Variants in ZNF234 observed in about 807,000 individuals in gnomAD.
ZNF234 encodes the protein zinc finger protein 234.
Under a neutral mutation model 10.3 loss-of-function variants are expected in ZNF234, and 4 were observed. The ratio of observed to expected loss-of-function variants is 0.39; its 90% CI spans 0.19 to 0.89. ZNF234 has a LOEUF of 0.89. Among genes scored for constraint, ZNF234 ranks in the 40% least tolerant of loss-of-function variants. ZNF234 has a pLI of 0.38. For synonymous variants in ZNF234, 258 were observed against 280.1 expected, an observed-to-expected ratio of 0.92 and a Z score of 0.79; for missense variants, 711 against 836.1, an observed-to-expected ratio of 0.85 and a Z score of 1.85.
chr19:44,143,203 A>T (rs944909478), intron 2 of ZNF234, among the ~76,000 whole-genome samples: 49 of 152,298 alleles, frequency 3.2e-4, no homozygotes, highest in Admixed American at 2.9e-3. Flanking sequence ...GTCCTGAGTT[A>T]TGGAACTGAG....
Position 44,159,698 on chromosome 19 carries a change from G to A in ZNF234, c.*1579G>A, listed in dbSNP as rs1395406414. On this transcript the variant is annotated 3_prime_UTR_variant, in exon 6 of 6. Transcript: ENST00000426739. ...TTCTGACTTTCCACATTTCCATCCA[G>A]ACTTTGACATGATTGCCGTCTAATA... The A allele has an allele frequency of 9.4e-6, 4 of 424,916 alleles. No individual in the cohort carries two copies. The highest frequency in any genetic ancestry group is 2.0e-5 in the Non-Finnish European group (4 of 201,032). The allele number at this position is 424,916 out of a possible 1,614,324, so 26.3% of individuals were successfully genotyped here. A position where few individuals can be genotyped will look rare whatever the true frequency, so the allele number is the denominator to read the frequency against.
chr19:44,144,613 TC>T lies in ZNF234; in HGVS notation c.-17del. The stretch of plus-strand genomic sequence containing the variant: ...TGGCATAACTCAGGACTCTGCAAAT[TC>T]CCAGAAACAGGAGGAAAAATGACCA... On this transcript the variant is annotated 5_prime_UTR_variant, in exon 3 of 6. Transcript: ENST00000426739. 6.4e-7 allele frequency: 1 copy of T among 1,569,956 alleles called. No homozygotes were observed. Among genetic ancestry groups the T allele is most frequent in the South Asian group, 1.2e-5 (1 of 83,150 alleles).
chr19:44,150,895 G>A (rs142152006), intron 5 of ZNF234, among the ~76,000 whole-genome samples: 1,912 of 151,988 alleles, frequency 0.013, 33 homozygotes, highest in African/African-American at 0.044. Flanking sequence ...TTAGCCAGGC[G>A]TGGTGGCCAG....
Position 44,157,769 on chromosome 19 carries a change from A to T in ZNF234, c.1753A>T (p.Met585Leu). Residue 585 changes from methionine to leucine, a missense_variant, in exon 6 of 6, where the codon ATG (methionine) becomes TTG (leucine). Transcript: ENST00000426739. The stretch of plus-strand genomic sequence containing the variant: ...CTTCAAGTGGAGCTTGAACCTTGAC[A>T]TGCATCAGAGGGTGCACACAGGAGA... ...KGFKWSLNLDMHQRVHTGEKP... is the reference protein window; with the variant it reads ...KGFKWSLNLDLHQRVHTGEKP... 1 of 1,613,906 alleles carries T rather than the reference A, an allele frequency of 6.2e-7. No individual in the cohort carries two copies. The highest frequency in any genetic ancestry group is 8.5e-7 in the Non-Finnish European group (1 of 1,179,882).
intron 2 of ZNF234, among the ~76,000 whole-genome samples, chr19:44,143,436 C>T (rs1968515337): frequency 6.6e-6 from 1 of 152,008 alleles, no homozygotes; most frequent in African/African-American, 2.4e-5. Flanking sequence ...GGTGAAACCC[C>T]GTCTCTACTA....
intron 5 of ZNF234, among the ~76,000 whole-genome samples, chr19:44,151,543 G>A (rs1170882869): frequency 1.3e-5 from 2 of 152,172 alleles, no homozygotes; most frequent in East Asian, 1.9e-4. Context: ...ACCCCAAACT[G>A]AGTGGATTAA....
rs539616814 is a variant in ZNF234 at position 44,148,456 on chromosome 19, A to G, written c.16-315A>G. On this transcript the variant is annotated intron_variant, in intron 3 of 5. Coordinates refer to ENST00000426739, the MANE Select transcript of ZNF234 (RefSeq NM_006630.3). ...TGACTTGCTAAATGTTTCTGGGGCAATTGGTAATATTTACCGAAAGGTGAA... is the reference window on the plus strand; with the variant it reads ...TGACTTGCTAAATGTTTCTGGGGCAGTTGGTAATATTTACCGAAAGGTGAA... Among the ~76,000 whole-genome samples, 3 of 152,324 alleles carry G rather than the reference A, an allele frequency of 2.0e-5. No individual in the cohort carries two copies. In the South Asian group the frequency reaches 6.2e-4, roughly 32 times the overall value.
At chr19:44,143,855 A>G (rs937219479) in intron 2 of ZNF234, among the ~76,000 whole-genome samples, 1 of 152,192 alleles carries the variant, frequency 6.6e-6, no homozygotes, top group Non-Finnish European at 1.5e-5. Flanking sequence ...ATGAGTAGAT[A>G]TACTTGTTAG....
At position 44,156,578 on chromosome 19, in the gene ZNF234, A is replaced by C. The variant is rs760074195; in HGVS notation, c.562A>C (p.Ile188Leu). The C allele has an allele frequency of 6.2e-7, 1 of 1,614,172 alleles. No individual in the cohort carries two copies. The highest frequency in any genetic ancestry group is 1.7e-5 in the Admixed American group (1 of 60,014). Residue 188 changes from isoleucine to leucine, a missense_variant, in exon 6 of 6, where the codon ATC (isoleucine) becomes CTC (leucine). Physicochemically the swap from Ile to Leu is conservative, Grantham distance 5. Coordinates refer to ENST00000426739, the MANE Select transcript of ZNF234 (RefSeq NM_006630.3). Reference protein sequence around the residue: ...CDECGKSFCYISALHIHQRVH... With the variant: ...CDECGKSFCYLSALHIHQRVH... ...TGAGTGTGGAAAAAGCTTCTGTTAC[A>C]TCTCAGCCCTTCATATTCATCAAAG...
At position 44,159,419 on chromosome 19, in the gene ZNF234, C is replaced by T. The variant is rs1375612230; in HGVS notation, c.*1300C>T. ...CTTGAACACCTGAGCTCAAGCAATC[C>T]AACCTCCTTGGCCTCCCAGTGTTAA... On this transcript the variant is annotated 3_prime_UTR_variant, in exon 6 of 6. Coordinates refer to ENST00000426739, the MANE Select transcript of ZNF234 (RefSeq NM_006630.3). The T allele has an allele frequency of 3.9e-6, 1 of 253,566 alleles. No homozygotes were observed. Among genetic ancestry groups the T allele is most frequent in the Non-Finnish European group, 8.4e-6 (1 of 119,618 alleles). The allele number at this position is 253,566 out of a possible 1,614,324, so 15.7% of individuals were successfully genotyped here. A position where few individuals can be genotyped will look rare whatever the true frequency, so the allele number is the denominator to read the frequency against.
rs774651078 is a variant in ZNF234, at chr19:44,158,134, A to AAC, written c.*15_*16insAC. The AAC allele has an allele frequency of 1.1e-5, 17 of 1,581,594 alleles. No homozygotes were observed. The highest frequency in any genetic ancestry group is 1.7e-4 in the Middle Eastern group (1 of 5,876). On this transcript the variant is annotated 3_prime_UTR_variant, in exon 6 of 6. Transcript: ENST00000426739. ...CTACAAGGTGATTAAAAAAAAAAAAACAGAACTCATGTACAACCTGAATGC... is the reference window on the plus strand; with the variant it reads ...CTACAAGGTGATTAAAAAAAAAAAAAACCAGAACTCATGTACAACCTGAATGC...
chr19:44,154,660 T>C (rs1968836593), intron 5 of ZNF234, among the ~76,000 whole-genome samples: 1 of 132,592 alleles, frequency 7.5e-6, no homozygotes, highest in Non-Finnish European at 1.5e-5. Flanking sequence ...TGAGACAAAG[T>C]CTCACTGTGT....
rs577211878 is a variant in ZNF234, at chr19:44,147,858, A to G, written c.16-913A>G. Among the ~76,000 whole-genome samples the G allele has an allele frequency of 3.9e-5, 6 of 152,316 alleles. No homozygotes were observed. The South Asian group carries it at 1.2e-3, about 32-fold the overall frequency. On this transcript the variant is annotated intron_variant, in intron 3 of 5. Coordinates refer to ENST00000426739, the MANE Select transcript of ZNF234 (RefSeq NM_006630.3). Reference sequence around the variant, plus strand: ...CAAGAGTGAAGCTCTGTCTCAAAAAAAAGAAAAAAAAAAGGAAAGAAAGTA... The same window carrying G: ...CAAGAGTGAAGCTCTGTCTCAAAAAGAAGAAAAAAAAAAGGAAAGAAAGTA...
intron 5 of ZNF234, among the ~76,000 whole-genome samples, chr19:44,154,931 C>A (rs1449406600): frequency 6.6e-6 from 1 of 152,086 alleles, no homozygotes; most frequent in Non-Finnish European, 1.5e-5. Context: ...GCCACTGCAC[C>A]CTGCCAAGAG....
intron 3 of ZNF234, 66 bp from the exon 4 acceptor site, chr19:44,148,705 T>C (rs939740605): frequency 6.2e-7 from 1 of 1,605,224 alleles, no homozygotes; most frequent in Admixed American, 1.7e-5. Context: ...CTCTCCACTT[T>C]CTCAGTGCTG....
Position 44,157,031 on chromosome 19 carries a change from A to T in ZNF234, c.1015A>T (p.Thr339Ser). 3 of 1,614,146 alleles carry T rather than the reference A, an allele frequency of 1.9e-6. No individual in the cohort carries two copies. Among genetic ancestry groups the T allele is most frequent in the Non-Finnish European group, 2.5e-6 (3 of 1,180,018 alleles). The stretch of plus-strand genomic sequence containing the variant: ...CCTTCGTATCCATCAAAGGGTCCAC[A>T]CAGGAGAGAAACCTTACAAGTGTGA... ...SNLRIHQRVH[T>S]GEKPYKCEEC... Residue 339 changes from threonine to serine, a missense_variant, in exon 6 of 6, where the codon ACA (threonine) becomes TCA (serine). Coordinates refer to ENST00000426739, the MANE Select transcript of ZNF234 (RefSeq NM_006630.3).
chr19:44,156,364 C>T lies in ZNF234; in HGVS notation c.348C>T (p.Asp116=), dbSNP rs1968881417. ...QIASDLIKYE[D]SMISISRFPR... is the part of the protein sequence containing the mutation. ...CAAGTGATTTAATCAAGTATGAAGA[C>T]TCTATGATAAGTATTTCTCGGTTCC... Residue 116 remains aspartate (D), a synonymous_variant, in exon 6 of 6, where the codon GAC becomes GAT. Coordinates refer to ENST00000426739, the MANE Select transcript of ZNF234 (RefSeq NM_006630.3). 1 of 1,613,406 alleles carries T rather than the reference C, an allele frequency of 6.2e-7. No homozygotes were observed. The highest frequency in any genetic ancestry group is 2.2e-5 in the East Asian group (1 of 44,870).
At chr19:44,152,963 A>G (rs1361302718) in intron 5 of ZNF234, among the ~76,000 whole-genome samples, 1 of 152,058 alleles carries the variant, frequency 6.6e-6, no homozygotes, top group Admixed American at 6.6e-5. Context: ...CATTAAGCAT[A>G]TATTAAAGAA....
chr19:44,160,116 T>C lies in ZNF234; in HGVS notation c.*1997T>C, dbSNP rs1444098474. On this transcript the variant is annotated 3_prime_UTR_variant, in exon 6 of 6. Transcript: ENST00000426739. ...TTAAGCGAATACCAAAAACAACTTG[T>C]GGAAATTTGATAATTTTATCAAATT... The C allele has an allele frequency of 1.3e-5, 2 of 152,120 alleles. No homozygotes were observed. The highest frequency in any genetic ancestry group is 6.6e-5 in the Admixed American group (1 of 15,266). 9.4% of individuals were successfully genotyped at this position (152,120 alleles called of 1,614,324 possible).
Sources: gnomAD v4.1 joint callset for allele counts (sites outside exome capture counted in the v4.1 genomes callset) on GRCh38, gnomAD v4.1.1 for gene constraint, MANE v1.5 for transcripts, NCBI Gene and HGNC (gene_info 2026-07-23, HGNC 2026-07-21) for gene names.